The following ULK4 variants were observed in gnomAD, a reference collection of about 807,000 sequenced individuals.
ULK4 encodes the protein inactive serine/threonine-protein kinase ULK4.
Under a neutral mutation model 160.6 loss-of-function variants are expected in ULK4, and 133 were observed. That is an observed-to-expected ratio of 0.83 (90% CI 0.72 to 0.96). ULK4 has a LOEUF of 0.96. Among genes scored for constraint, ULK4 ranks in the 40% least tolerant of loss-of-function variants. ULK4 has a pLI of 0.00. For synonymous variants in ULK4, 534 were observed against 539.8 expected (o/e 0.99, Z 0.15); for missense variants, 1,580 against 1,499.5 (o/e 1.05, Z -0.89).
At chr3:41,433,794 A>G (rs994236130) in intron 34 of ULK4, among the ~76,000 whole-genome samples, 4 of 152,110 alleles carry the variant, frequency 2.6e-5, no homozygotes, top group Non-Finnish European at 4.4e-5. Flanking sequence ...ATCCAGGCTC[A>G]CTGCAACCTC....
chr3:41,560,857 C>T (rs1236866703), intron 32 of ULK4, among the ~76,000 whole-genome samples: 2 of 152,180 alleles, frequency 1.3e-5, no homozygotes, highest in Non-Finnish European at 2.9e-5. Context: ...CCCTTTATTT[C>T]TTTTTCTTGC....
intron 32 of ULK4, among the ~76,000 whole-genome samples, chr3:41,495,624 C>G (rs2084958756): frequency 6.7e-6 from 1 of 150,358 alleles, no homozygotes; most frequent in Admixed American, 6.7e-5. Context: ...AAGAAACTAC[C>G]ATCAGAGTGA....
chr3:41,627,127 T>C (rs2033553190), intron 30 of ULK4, among the ~76,000 whole-genome samples: 1 of 152,200 alleles, frequency 6.6e-6, no homozygotes, highest in Non-Finnish European at 1.5e-5. Context: ...CTCAAGGCCA[T>C]GTAGGGATGA....
At chr3:41,830,686 C>T (rs530687215) in intron 18 of ULK4, among the ~76,000 whole-genome samples, 94 of 152,176 alleles carry the variant, frequency 6.2e-4, no homozygotes, top group African/African-American at 2.2e-3. Flanking sequence ...AGACCAGGTA[C>T]CTGACTACTC....
intron 30 of ULK4, among the ~76,000 whole-genome samples, chr3:41,647,114 G>T (rs547682350): frequency 1.6e-3 from 250 of 152,070 alleles, no homozygotes; most frequent in African/African-American, 5.9e-3. Context: ...TTTAAAGTTT[G>T]TAACTTCTTT....
At chr3:41,250,664 A>G (rs1333796318) in intron 35 of ULK4, among the ~76,000 whole-genome samples, 4 of 152,204 alleles carry the variant, frequency 2.6e-5, no homozygotes, top group Non-Finnish European at 5.9e-5. Flanking sequence ...TCACAGGGGT[A>G]ACTAAACATT....
At chr3:41,841,936 G>A (rs1191841513) in intron 17 of ULK4, among the ~76,000 whole-genome samples, 1 of 152,002 alleles carries the variant, frequency 6.6e-6, no homozygotes, top group Admixed American at 6.6e-5. Context: ...ATGCTTGAAG[G>A]CAGCATGCTC....
At chr3:41,300,174 T>G (rs1575409522) in intron 35 of ULK4, among the ~76,000 whole-genome samples, 1 of 152,310 alleles carries the variant, frequency 6.6e-6, no homozygotes, top group South Asian at 2.1e-4. Context: ...TACATTTCTT[T>G]GAATGGATAA....
rs554453255 is a variant in ULK4, at chr3:41,772,454, A to G, written c.2193+17207T>C. 5.3e-3 allele frequency among the ~76,000 whole-genome samples: 813 copies of G among 152,264 alleles called. 4 individuals are homozygous for G. The highest frequency in any genetic ancestry group is 8.2e-3 in the Non-Finnish European group (561 of 68,010). On this transcript the variant is annotated intron_variant, in intron 21 of 36. Transcript: ENST00000301831. ...ATACTATAAACACCTCTACGCAAATAAACTAGAAAATCTAGAAGAAATGGA... is the reference window on the plus strand; with the variant it reads ...ATACTATAAACACCTCTACGCAAATGAACTAGAAAATCTAGAAGAAATGGA...
At chr3:41,485,411 A>G (rs927999438) in intron 32 of ULK4, among the ~76,000 whole-genome samples, 1 of 152,228 alleles carries the variant, frequency 6.6e-6, no homozygotes, top group Non-Finnish European at 1.5e-5. Flanking sequence ...CCCCAACTAC[A>G]GAAATATAGA....
At chr3:41,373,806 T>G (rs1430078668) in intron 35 of ULK4, among the ~76,000 whole-genome samples, 2 of 151,914 alleles carry the variant, frequency 1.3e-5, no homozygotes, top group South Asian at 4.2e-4. Flanking sequence ...CTGAAAAAGG[T>G]AGAGACATGA....
intron 18 of ULK4, among the ~76,000 whole-genome samples, chr3:41,830,394 G>C (rs1157649032): frequency 6.6e-6 from 1 of 151,822 alleles, no homozygotes; most frequent in Non-Finnish European, 1.5e-5. Context: ...TAAGATTCTA[G>C]AAAACGAAAA....
intron 35 of ULK4, among the ~76,000 whole-genome samples, chr3:41,319,773 G>A (rs981284241): frequency 1.3e-5 from 2 of 152,102 alleles, no homozygotes; most frequent in Non-Finnish European, 2.9e-5. Flanking sequence ...CCAATTTATT[G>A]ATCTGGAAAT....
intron 35 of ULK4, among the ~76,000 whole-genome samples, chr3:41,307,687 G>A (rs959564560): frequency 6.6e-6 from 1 of 152,076 alleles, no homozygotes; most frequent in African/African-American, 2.4e-5. Flanking sequence ...AAATTCAGCT[G>A]GGCGTGGTTG....
At chr3:41,691,643 A>G (rs2036303674) in intron 27 of ULK4, among the ~76,000 whole-genome samples, 1 of 151,806 alleles carries the variant, frequency 6.6e-6, no homozygotes, top group African/African-American at 2.4e-5. Context: ...TTCCTTTAAC[A>G]TCCATTGATT....
rs1553666492 is a variant in ULK4, at chr3:41,831,012, T to TTTATTTATTTA, written c.1764+4851_1764+4852insTAAATAAATAA. 4.3e-3 allele frequency among the ~76,000 whole-genome samples: 421 copies of TTTATTTATTTA among 96,990 alleles called. 3 individuals are homozygous for TTTATTTATTTA. The highest frequency in any genetic ancestry group is 0.017 in the African/African-American group (389 of 23,160). The allele number at this position is 96,990 out of a possible 152,430, so 63.6% of individuals were successfully genotyped here. On this transcript the variant is annotated intron_variant, in intron 18 of 36. Transcript: ENST00000301831. ...GCACAGGGAATGTTTTTATTATTTT[T>TTTATTTATTTA]TTTATTTATTTATTTATTTATTGAT...
chr3:41,841,903 G>A (rs1455156242), intron 17 of ULK4, among the ~76,000 whole-genome samples: 1 of 152,034 alleles, frequency 6.6e-6, no homozygotes, highest in Non-Finnish European at 1.5e-5. Context: ...TAAGGGTGGT[G>A]CAAGATATGC....
At chr3:41,405,773 T>C (rs563461129) in intron 34 of ULK4, among the ~76,000 whole-genome samples, 1 of 152,338 alleles carries the variant, frequency 6.6e-6, no homozygotes, top group South Asian at 2.1e-4. Flanking sequence ...TGTCTTCTTT[T>C]AAGAAATGTC....
At chr3:41,494,987 T>A (rs1397941751) in intron 32 of ULK4, among the ~76,000 whole-genome samples, 1 of 151,936 alleles carries the variant, frequency 6.6e-6, no homozygotes, top group Non-Finnish European at 1.5e-5. Context: ...ATCAGTATCG[T>A]GAAAATGGCC....
Sources: gnomAD v4.1 joint callset for allele counts (sites outside exome capture counted in the v4.1 genomes callset) on GRCh38, gnomAD v4.1.1 for gene constraint, MANE v1.5 for transcripts, NCBI Gene and HGNC (gene_info 2026-07-23, HGNC 2026-07-21) for gene names.